RBFOX1: variants seen among roughly 807,000 people sequenced by gnomAD.
RBFOX1 encodes the protein RNA binding protein fox-1 homolog 1.
Under a neutral mutation model 57.7 loss-of-function variants are expected in RBFOX1, and 8 were observed. The ratio of observed to expected loss-of-function variants is 0.14; its 90% CI spans 0.08 to 0.25. The LOEUF (loss-of-function observed/expected upper bound fraction) is 0.25. RBFOX1 is among the 10% of genes least tolerant of loss of function. RBFOX1 has a pLI of 1.00. For synonymous variants in RBFOX1, 326 were observed against 222.4 expected (o/e 1.47, Z -4.15); for missense variants, 611 against 548.5 (o/e 1.11, Z -1.14).
At chr16:7,470,140 G>A (rs866802540) in intron 4 of RBFOX1, among the ~76,000 whole-genome samples, 2 of 151,684 alleles carry the variant, frequency 1.3e-5, no homozygotes, top group African/African-American at 4.9e-5. Context: ...TGCAAATAAT[G>A]TTGCTCAGAA....
intron 2 of RBFOX1, among the ~76,000 whole-genome samples, chr16:6,603,920 C>T (rs1048933909): frequency 6.6e-6 from 1 of 151,120 alleles, no homozygotes; most frequent in Admixed American, 6.6e-5. Context: ...AGCTCTGGGG[C>T]GAGGGGGCTG....
At chr16:7,172,803 A>T (rs573666680) in intron 4 of RBFOX1, among the ~76,000 whole-genome samples, 3 of 152,250 alleles carry the variant, frequency 2.0e-5, no homozygotes, top group Non-Finnish European at 2.9e-5. Context: ...CCCAATGTAG[A>T]GTTAAACAGA....
At chr16:6,452,346 C>T (rs1017907125) in intron 2 of RBFOX1, among the ~76,000 whole-genome samples, 1 of 152,088 alleles carries the variant, frequency 6.6e-6, no homozygotes, top group Non-Finnish European at 1.5e-5. Context: ...ATGGCTCCAT[C>T]CATGGCTCCT....
intron 3 of RBFOX1, among the ~76,000 whole-genome samples, chr16:5,714,969 G>C (rs1173930411): frequency 6.6e-6 from 1 of 152,220 alleles, no homozygotes; most frequent in Non-Finnish European, 1.5e-5. Flanking sequence ...ACTTCCAGTT[G>C]TGTTGAGTTG....
intron 1 of RBFOX1, among the ~76,000 whole-genome samples, chr16:5,354,503 G>T (rs766061500): frequency 6.6e-6 from 1 of 152,186 alleles, no homozygotes; most frequent in Admixed American, 6.5e-5. Context: ...AGGGCTGCTT[G>T]GGGGTTAAAT....
intron 4 of RBFOX1, among the ~76,000 whole-genome samples, chr16:7,438,769 G>A (rs749315751): frequency 1.3e-5 from 2 of 152,146 alleles, no homozygotes; most frequent in African/African-American, 4.8e-5. Flanking sequence ...ACCACAGTGA[G>A]CGCCTGTCAA....
intron 4 of RBFOX1, among the ~76,000 whole-genome samples, chr16:7,166,963 AT>A (rs146269285): frequency 0.014 from 1,291 of 92,288 alleles, 32 homozygotes; most frequent in African/African-American, 0.056. Flanking sequence ...AGATTGCTGC[AT>A]TGGTGTTCTT....
At chr16:5,353,752 C>G (rs1233615954) in intron 1 of RBFOX1, among the ~76,000 whole-genome samples, 2 of 148,594 alleles carry the variant, frequency 1.3e-5, no homozygotes, top group African/African-American at 4.9e-5. Context: ...TCGCCATGCC[C>G]TGTGAGACAC....
intron 2 of RBFOX1, among the ~76,000 whole-genome samples, chr16:5,474,482 C>T (rs925129820): frequency 5.3e-5 from 8 of 152,074 alleles, no homozygotes; most frequent in South Asian, 4.1e-4. Context: ...GGTGAAACCC[C>T]GTCTCTACTA....
chr16:5,863,789 C>G (rs1445811507), intron 3 of RBFOX1, among the ~76,000 whole-genome samples: 1 of 152,178 alleles, frequency 6.6e-6, no homozygotes, highest in Non-Finnish European at 1.5e-5. Context: ...CACTATATGC[C>G]TTACCTTCTA....
chr16:7,658,202 C>A (rs1050359449), intron 12 of RBFOX1, among the ~76,000 whole-genome samples: 10 of 152,238 alleles, frequency 6.6e-5, no homozygotes, highest in African/African-American at 2.2e-4. Flanking sequence ...TTCTCAACAT[C>A]CCCCTTTTGC....
chr16:6,522,498 T>C (rs1366743310), intron 2 of RBFOX1, among the ~76,000 whole-genome samples: 4 of 152,162 alleles, frequency 2.6e-5, no homozygotes, highest in South Asian at 2.1e-4. Flanking sequence ...AGTTAAAAGA[T>C]GGCAAAATAT....
chr16:6,775,213 G>C (rs1875515237), intron 3 of RBFOX1, among the ~76,000 whole-genome samples: 1 of 149,578 alleles, frequency 6.7e-6, no homozygotes, highest in Admixed American at 6.7e-5. Context: ...TCGGACGCCT[G>C]TAGTCCCAGC....
intron 2 of RBFOX1, among the ~76,000 whole-genome samples, chr16:5,564,985 T>C (rs575817824): frequency 6.6e-6 from 1 of 152,296 alleles, no homozygotes; most frequent in South Asian, 2.1e-4. Context: ...GGATGAGGGA[T>C]GGCACTTCAA....
chr16:6,206,555 G>A (rs1454610210), intron 1 of RBFOX1, among the ~76,000 whole-genome samples: 1 of 152,102 alleles, frequency 6.6e-6, no homozygotes, highest in Non-Finnish European at 1.5e-5. Flanking sequence ...AGGAGCTGGC[G>A]ATATTAAATG....
At chr16:5,688,823 A>C (rs2050581890) in intron 3 of RBFOX1, among the ~76,000 whole-genome samples, 1 of 152,218 alleles carries the variant, frequency 6.6e-6, no homozygotes, top group Admixed American at 6.5e-5. Context: ...TAGGTCTTTA[A>C]GAAAACTAGA....
intron 4 of RBFOX1, among the ~76,000 whole-genome samples, chr16:7,060,246 T>C (rs1383558157): frequency 1.3e-5 from 2 of 152,188 alleles, no homozygotes; most frequent in African/African-American, 2.4e-5. Context: ...ATTGAGGCTA[T>C]GTCTCAATAA....
intron 3 of RBFOX1, among the ~76,000 whole-genome samples, chr16:6,960,686 C>T (rs1396938478): frequency 6.6e-6 from 1 of 152,052 alleles, no homozygotes; most frequent in Non-Finnish European, 1.5e-5. Flanking sequence ...ACCAGCATCT[C>T]CTGTCTCTGA....
intron 3 of RBFOX1, among the ~76,000 whole-genome samples, chr16:6,948,616 A>T (rs2080059192): frequency 6.6e-6 from 1 of 151,906 alleles, no homozygotes; most frequent in South Asian, 2.1e-4. Context: ...TGCTGACTTC[A>T]AATGATCTGC....
Sources: allele counts gnomAD v4.1 joint callset (sites outside exome capture counted in the v4.1 genomes callset), GRCh38; gene constraint gnomAD v4.1.1; transcripts MANE v1.5; gene names NCBI Gene and HGNC (gene_info 2026-07-23, HGNC 2026-07-21).